Variants in RGS12 observed in about 807,000 individuals in gnomAD.
RGS12 encodes regulator of G-protein signaling 12.
RGS12 carries 66 observed loss-of-function variants against 120.1 expected under a neutral mutation model. That is an observed-to-expected ratio of 0.55 (90% CI 0.45 to 0.67). The LOEUF is 0.67. RGS12 is among the 30% of genes least tolerant of loss of function. RGS12 has a pLI of 0.00. For missense variants in RGS12, 1,859 were observed against 1,957.7 expected, an observed-to-expected ratio of 0.95 and a Z score of 0.95; for synonymous variants, 827 against 804.7, an observed-to-expected ratio of 1.03 and a Z score of -0.47.
intron 11 of RGS12, 50 bp downstream of exon 11, chr4:3,422,620 G>C (rs777869019): frequency 1.3e-6 from 2 of 1,556,482 alleles, no homozygotes; most frequent in Non-Finnish European, 1.7e-6. Context: ...TGACCTCCCC[G>C]CTCCCTGGCC....
At chr4:3,407,042 T>G (rs926362011) in intron 4 of RGS12, among the ~76,000 whole-genome samples, 25 of 152,264 alleles carry the variant, frequency 1.6e-4, no homozygotes, top group Non-Finnish European at 5.9e-5. Flanking sequence ...TTAAGTTACA[T>G]GTGGAAAGAA....
rs534437674 is a variant in RGS12 at position 3,432,586 on chromosome 4, T to G, written c.4114+1631T>G. On this transcript the variant is annotated intron_variant, in intron 17 of 17. Coordinates refer to ENST00000336727, the MANE Select transcript of RGS12 (RefSeq NM_001394154.1). ...CAGTTCTCCTGCCTGCCAAGGGCCA[T>G]TAGCACAGAGGTGGTTTACAGCGCA... is the stretch of plus-strand genomic sequence containing the variant. 4.4e-4 allele frequency among the ~76,000 whole-genome samples: 67 copies of G among 152,332 alleles called. 1 individual carries two copies. In the South Asian group the frequency reaches 9.9e-3, roughly 23 times the overall value.
rs919534093 is a variant in RGS12, at chr4:3,375,869, G to C, written c.1999-10547G>C. Reference sequence around the variant, plus strand: ...GACTTTTACACTCATCTTTCCTTGCGGGGGGTTGGCACTGACACATTGGAA... The same window carrying C: ...GACTTTTACACTCATCTTTCCTTGCCGGGGGTTGGCACTGACACATTGGAA... On this transcript the variant is annotated intron_variant, in intron 3 of 17. Coordinates refer to ENST00000336727, the MANE Select transcript of RGS12 (RefSeq NM_001394154.1). Among the ~76,000 whole-genome samples the C allele has an allele frequency of 7.2e-5, 11 of 152,322 alleles. 1 individual carries two copies. The South Asian group carries it at 1.9e-3, about 26-fold the overall frequency.
intron 4 of RGS12, among the ~76,000 whole-genome samples, chr4:3,410,373 AT>A (rs1721603677): frequency 6.6e-6 from 1 of 152,148 alleles, no homozygotes; most frequent in South Asian, 2.1e-4. Flanking sequence ...GCATGATCTT[AT>A]TTTTTAAATA....
rs1324834515 is a variant in RGS12, at chr4:3,433,836, CCCCAT to C, written c.4114+2882_4114+2886del. On this transcript the variant is annotated intron_variant, in intron 17 of 17. Transcript: ENST00000336727. This position sits in a 1 kb window ranked among gnomAD's most constrained non-coding sequence, Gnocchi z 4.4. ...ATGCACCATGCAGGCTGGCCGGTGC[CCCCAT>C]GCATGTCTGGTCCCGGGAGGCATGT... 2.6e-5 allele frequency among the ~76,000 whole-genome samples: 4 copies of C among 152,154 alleles called. No individual in the cohort carries two copies. The highest frequency in any genetic ancestry group is 9.7e-5 in the African/African-American group (4 of 41,428).
At chr4:3,439,335 T>G in intron 17 of RGS12, 120 bp from the exon 18 acceptor site, 5 of 998,882 alleles carry the variant, frequency 5.0e-6, no homozygotes, top group Non-Finnish European at 6.3e-6. Flanking sequence ...TGGGATGTGT[T>G]TGGGATATTT....
intron 14 of RGS12, among the ~76,000 whole-genome samples, chr4:3,426,423 C>T (rs181640763): frequency 6.6e-6 from 1 of 152,042 alleles, no homozygotes; most frequent in Non-Finnish European, 1.5e-5. Flanking sequence ...CTCCTTGGTG[C>T]CCTGATCTGG....
intron 3 of RGS12, among the ~76,000 whole-genome samples, chr4:3,367,933 G>C (rs745390271): frequency 5.3e-5 from 8 of 152,254 alleles, no homozygotes; most frequent in Non-Finnish European, 8.8e-5. Flanking sequence ...AATAAACCAC[G>C]TAGACAATGT....
intron 3 of RGS12, among the ~76,000 whole-genome samples, chr4:3,382,808 C>T (rs894003878): frequency 2.6e-5 from 4 of 152,192 alleles, no homozygotes; most frequent in East Asian, 1.9e-4. Flanking sequence ...TTTTCACTGT[C>T]GGACATTCCA....
chr4:3,325,922 C>T (rs746394413), intron 2 of RGS12, among the ~76,000 whole-genome samples: 5 of 152,096 alleles, frequency 3.3e-5, no homozygotes, highest in Non-Finnish European at 7.3e-5. Context: ...GAATTAGGAA[C>T]AAAACCATAT....
At chr4:3,343,908 G>A (rs2108780998) in intron 3 of RGS12, among the ~76,000 whole-genome samples, 1 of 152,286 alleles carries the variant, frequency 6.6e-6, no homozygotes, top group Middle Eastern at 3.4e-3. Flanking sequence ...ATTTACTCCT[G>A]GACTTTCAGT....
intron 1 of RGS12, chr4:3,312,619 A>G (rs1241999677): frequency 4.3e-6 from 1 of 232,740 alleles, no homozygotes; most frequent in Non-Finnish European, 9.7e-6. Flanking sequence ...AGCCTCAGCA[A>G]GAGGAACCAC....
chr4:3,301,102 C>T (rs533969587), intron 1 of RGS12, among the ~76,000 whole-genome samples: 212 of 151,872 alleles, frequency 1.4e-3, no homozygotes, highest in African/African-American at 4.9e-3. Flanking sequence ...CCTGGCTGCC[C>T]TCCTCTGTAA....
At chr4:3,293,502 G>C (rs897396884) in intron 1 of RGS12, among the ~76,000 whole-genome samples, 1 of 152,066 alleles carries the variant, frequency 6.6e-6, no homozygotes, top group East Asian at 1.9e-4. Context: ...GGGTTCCCTC[G>C]TCGGACTCCA....
chr4:3,414,886 G>C, intron 6 of RGS12, 42 bp downstream of exon 6: 1 of 1,433,726 alleles, frequency 7.0e-7, no homozygotes, highest in African/African-American at 1.4e-5. Flanking sequence ...TGAGAGTGGC[G>C]TGTGAGAGAG....
chr4:3,286,110 G>A, the RGS12 span, among the ~76,000 whole-genome samples: 1 of 152,358 alleles, frequency 6.6e-6, no homozygotes, highest in African/African-American at 2.4e-5. Flanking sequence ...AGCCTGGCAT[G>A]TCCTTCTGGT....
chr4:3,435,825 G>T (rs1195835706), intron 17 of RGS12, among the ~76,000 whole-genome samples: 1 of 152,174 alleles, frequency 6.6e-6, no homozygotes, highest in Non-Finnish European at 1.5e-5. Context: ...AAGTGACTGT[G>T]ACCTGGCCTA....
Position 3,317,593 on chromosome 4 carries a change from C to A in RGS12, c.1423C>A (p.Pro475Thr). ...AQPWGAPWTG[P>T]FCPDPEGSPP... The stretch of plus-strand genomic sequence containing the variant: ...GCCCTGGGGTGCTCCCTGGACTGGG[C>A]CCTTCTGTCCGGACCCCGAAGGGAG... Residue 475 changes from proline (P) to threonine (T), a missense_variant, in exon 2 of 18, where the codon CCC becomes ACC. Coordinates refer to ENST00000336727, the MANE Select transcript of RGS12 (RefSeq NM_001394154.1). 6.3e-7 allele frequency: 1 copy of A among 1,592,450 alleles called. No homozygotes were observed. The highest frequency in any genetic ancestry group is 8.6e-7 in the Non-Finnish European group (1 of 1,169,034).
chr4:3,366,439 G>A lies in RGS12; in HGVS notation c.1999-19977G>A, dbSNP rs1306505754. ...GCCTGTGCTCATATCTGTGAGCTCT[G>A]CAGATGTCTCCCGGGCACAGTCAGC... On this transcript the variant is annotated intron_variant, in intron 3 of 17. Coordinates refer to ENST00000336727, the MANE Select transcript of RGS12 (RefSeq NM_001394154.1). The surrounding 1 kb of genome is among the most constrained non-coding windows in gnomAD (Gnocchi z 4.0). Among the ~76,000 whole-genome samples the A allele has an allele frequency of 1.3e-5, 2 of 152,102 alleles. No homozygotes were observed. Among genetic ancestry groups the A allele is most frequent in the African/African-American group, 4.8e-5 (2 of 41,408 alleles).
Sources: allele counts gnomAD v4.1 joint callset (sites outside exome capture counted in the v4.1 genomes callset), GRCh38; gene constraint gnomAD v4.1.1; non-coding constraint Gnocchi (gnomAD v3.1); transcripts MANE v1.5; gene names NCBI Gene and HGNC (gene_info 2026-07-23, HGNC 2026-07-21).